Variants in ADPRHL1 observed in about 807,000 individuals in gnomAD.
The protein encoded by ADPRHL1 is ADP-ribosylhydrolase like 1.
A neutral mutation model predicts 44.1 loss-of-function variants in ADPRHL1; 43 were observed. The ratio of observed to expected loss-of-function variants is 0.98; its 90% CI spans 0.76 to 1.26. The LOEUF (loss-of-function observed/expected upper bound fraction) is 1.26. Among genes scored for constraint, ADPRHL1 ranks in the 50% most tolerant of loss-of-function variants. ADPRHL1 has a pLI of 0.00. For synonymous variants in ADPRHL1, 878 were observed against 1,017.4 expected (o/e 0.86, Z 2.61); for missense variants, 2,022 against 2,496.9 (o/e 0.81, Z 4.05).
chr13:113,417,472 G>T (rs536991977), intron 7 of ADPRHL1, among the ~76,000 whole-genome samples: 1 of 152,364 alleles, frequency 6.6e-6, no homozygotes, highest in South Asian at 2.1e-4. Flanking sequence ...GACACAGAGT[G>T]CCCCAGATCA....
intron 6 of ADPRHL1, among the ~76,000 whole-genome samples, chr13:113,423,630 C>T (rs1353477117): frequency 6.6e-6 from 1 of 152,240 alleles, no homozygotes; most frequent in Non-Finnish European, 1.5e-5. Flanking sequence ...ACAGGGTTGA[C>T]CTTACGGGTA....
intron 7 of ADPRHL1, among the ~76,000 whole-genome samples, chr13:113,411,174 T>C (rs997097853): frequency 1.3e-5 from 2 of 152,152 alleles, no homozygotes; most frequent in Non-Finnish European, 2.9e-5. Context: ...AATAGAAAGA[T>C]GAAAAACAGA....
rs1337537227 is a variant in ADPRHL1 at position 113,400,123 on chromosome 13, C to T, written c.*3255G>A. The T allele has an allele frequency of 6.7e-6, 1 of 148,948 alleles. No individual in the cohort carries two copies. The highest frequency in any genetic ancestry group is 2.5e-5 in the African/African-American group (1 of 39,942). The allele number at this position is 148,948 out of a possible 1,614,324, so 9.2% of individuals were successfully genotyped here. A position where few individuals can be genotyped will look rare whatever the true frequency, so the allele number is the denominator to read the frequency against. ...TAACTAAGAAGCTAAAATAAATATCCTGTTTTCTTTTCTTTTCTTTTCTTC... is the reference window on the plus strand; with the variant it reads ...TAACTAAGAAGCTAAAATAAATATCTTGTTTTCTTTTCTTTTCTTTTCTTC... On this transcript the variant is annotated 3_prime_UTR_variant, in exon 8 of 8. Transcript: ENST00000612156.
intron 7 of ADPRHL1, among the ~76,000 whole-genome samples, chr13:113,420,351 G>A (rs772652049): frequency 2.0e-5 from 3 of 152,098 alleles, no homozygotes; most frequent in Non-Finnish European, 2.9e-5. Flanking sequence ...TGATTCTCAC[G>A]GAGGGGTTTG....
chr13:113,423,199 A>G (rs2043939426), intron 6 of ADPRHL1, among the ~76,000 whole-genome samples: 1 of 152,098 alleles, frequency 6.6e-6, no homozygotes, highest in African/African-American at 2.4e-5. Context: ...AGAGGTGGCA[A>G]CGAGCCGAGA....
chr13:113,405,436 A>AT lies in ADPRHL1; in HGVS notation c.3845dup (p.Tyr1282Ter). Residue 1282 changes from tyrosine to a stop codon, truncating the protein, a stop_gained and frameshift_variant, in exon 8 of 8, where the codon TAT becomes TAAT. Coordinates refer to ENST00000612156, the MANE Select transcript of ADPRHL1 (RefSeq NM_001394807.1). LOFTEE classifies it low-confidence loss of function (END_TRUNC). ...GAGGCGACGGCGGGAGGCCAGGGCC[A>AT]TAGCTGGGGGACTCTGCCACGCTCC... is the stretch of plus-strand genomic sequence containing the variant. ...QARSVAESPS[Y>*]GPGLPPSPPE... The AT allele has an allele frequency of 8.1e-7, 1 of 1,231,976 alleles. No homozygotes were observed. Among genetic ancestry groups the AT allele is most frequent in the Non-Finnish European group, 1.0e-6 (1 of 988,178 alleles). 76.3% of individuals were successfully genotyped at this position (1,231,976 alleles called of 1,614,324 possible).
At position 113,403,344 on chromosome 13, in the gene ADPRHL1, A is replaced by G. The variant is rs1440055709; in HGVS notation, c.*34T>C. 1.3e-5 allele frequency: 16 copies of G among 1,231,716 alleles called. No homozygotes were observed. In the East Asian group the frequency reaches 4.7e-4, roughly 36 times the overall value. 76.3% of individuals were successfully genotyped at this position (1,231,716 alleles called of 1,614,324 possible). On this transcript the variant is annotated 3_prime_UTR_variant, in exon 8 of 8. Coordinates refer to ENST00000612156, the MANE Select transcript of ADPRHL1 (RefSeq NM_001394807.1). ...AAGTCCCTCAATGGGCGGATGTCACAGTGCTGGGCGAGCCACGGTGTGTAC... is the reference window on the plus strand; with the variant it reads ...AAGTCCCTCAATGGGCGGATGTCACGGTGCTGGGCGAGCCACGGTGTGTAC...
Position 113,400,277 on chromosome 13 carries a change from C to CT in ADPRHL1, c.*3100dup, listed in dbSNP as rs1259835824. ...TCTCCTGTCTCAGGCTCCCGAGTAGCTGGGACTACAGGCACCCACCACCAC... is the reference window on the plus strand; with the variant it reads ...TCTCCTGTCTCAGGCTCCCGAGTAGCTTGGGACTACAGGCACCCACCACCAC... On this transcript the variant is annotated 3_prime_UTR_variant, in exon 8 of 8. Coordinates refer to ENST00000612156, the MANE Select transcript of ADPRHL1 (RefSeq NM_001394807.1). 7 of 149,962 alleles carry CT rather than the reference C, an allele frequency of 4.7e-5. No individual in the cohort carries two copies. Among genetic ancestry groups the CT allele is most frequent in the African/African-American group, 1.5e-4 (6 of 40,986 alleles). 9.3% of individuals were successfully genotyped at this position (149,962 alleles called of 1,614,324 possible). A position where few individuals can be genotyped will look rare whatever the true frequency, so the allele number is the denominator to read the frequency against.
At chr13:113,423,506 G>A (rs570291893) in intron 6 of ADPRHL1, among the ~76,000 whole-genome samples, 1 of 152,220 alleles carries the variant, frequency 6.6e-6, no homozygotes, top group Non-Finnish European at 1.5e-5. Flanking sequence ...ACCAAACGGG[G>A]CCACATTTGT....
Position 113,403,036 on chromosome 13 carries a change from C to G in ADPRHL1, c.*342G>C. ...TGCAGATCGAAGGGGACGCACACAC[C>G]GTGCCACTGCGGGAGGTGTGAGCTC... is the stretch of plus-strand genomic sequence containing the variant. On this transcript the variant is annotated 3_prime_UTR_variant, in exon 8 of 8. Transcript: ENST00000612156. The G allele has an allele frequency of 5.4e-6, 1 of 184,146 alleles. No individual in the cohort carries two copies. The highest frequency in any genetic ancestry group is 2.3e-5 in the African/African-American group (1 of 42,800). 11.4% of individuals were successfully genotyped at this position (184,146 alleles called of 1,614,324 possible).
intron 1 of ADPRHL1, among the ~76,000 whole-genome samples, chr13:113,452,816 G>C (rs999120131): frequency 6.6e-6 from 1 of 152,154 alleles, no homozygotes; most frequent in Non-Finnish European, 1.5e-5. Flanking sequence ...AATGAATTCA[G>C]AACAAGAAGG....
At chr13:113,438,678 T>C (rs2044077854) in intron 2 of ADPRHL1, among the ~76,000 whole-genome samples, 1 of 152,074 alleles carries the variant, frequency 6.6e-6, no homozygotes, top group African/African-American at 2.4e-5. Context: ...CGAGACTCCA[T>C]CTCAAAAAAA....
intron 2 of ADPRHL1, among the ~76,000 whole-genome samples, chr13:113,434,930 C>T (rs1595550746): frequency 1.6e-5 from 2 of 121,914 alleles, no homozygotes; most frequent in Non-Finnish European, 1.8e-5. Flanking sequence ...CCCCGGGACC[C>T]GGCACCCAGG....
rs117650510 is a variant in ADPRHL1 at position 113,443,770 on chromosome 13, C to T, written c.379+655G>A. Among the ~76,000 whole-genome samples the T allele has an allele frequency of 8.0e-3, 1,212 of 152,136 alleles. 6 individuals carry two copies. The highest frequency in any genetic ancestry group is 0.013 in the Non-Finnish European group (870 of 68,010). On this transcript the variant is annotated intron_variant, in intron 2 of 7. Coordinates refer to ENST00000612156, the MANE Select transcript of ADPRHL1 (RefSeq NM_001394807.1). ...GACCAGCCTGAGCAACATGGTGAAA[C>T]CCCATCCTTACTAAAACACAAAATT...
chr13:113,434,125 G>A (rs2044028497), intron 2 of ADPRHL1, among the ~76,000 whole-genome samples: 1 of 152,190 alleles, frequency 6.6e-6, no homozygotes, highest in Non-Finnish European at 1.5e-5. Context: ...ATATGCTCGT[G>A]ATTTGCAGCA....
intron 7 of ADPRHL1, among the ~76,000 whole-genome samples, chr13:113,419,894 G>C (rs539994650): frequency 6.6e-6 from 1 of 152,262 alleles, no homozygotes; most frequent in African/African-American, 2.4e-5. Flanking sequence ...CTCACATACA[G>C]GTGGACAGCC....
rs2043815143 is a variant in ADPRHL1, at chr13:113,407,152, A to G, written c.2130T>C (p.Ala710=). 3 of 1,232,122 alleles carry G rather than the reference A, an allele frequency of 2.4e-6. No individual in the cohort carries two copies. The Admixed American group carries it at 1.3e-4, about 52-fold the overall frequency. The allele number at this position is 1,232,122 out of a possible 1,614,324, so 76.3% of individuals were successfully genotyped here. The change falls in exon 8 of 8, where the codon GCT becomes GCC. Residue 710 remains alanine, a synonymous_variant. Transcript: ENST00000612156. The part of the protein sequence containing the change: ...HAVPSLAFSC[A]PCTGGVLPGL... ...CAGGAAGGACTCCACCTGTGCAGGG[A>G]GCACAAGAGAAGGCCAGCGAGGGGA...
chr13:113,418,259 G>C (rs1477559263), intron 7 of ADPRHL1, among the ~76,000 whole-genome samples: 2 of 152,200 alleles, frequency 1.3e-5, no homozygotes, highest in Non-Finnish European at 2.9e-5. Context: ...GGAATAGACA[G>C]GGGAAATAAC....
Position 113,435,386 on chromosome 13 carries a change from A to G in ADPRHL1, c.380-1519T>C, listed in dbSNP as rs375309769. On this transcript the variant is annotated intron_variant, in intron 2 of 7. Transcript: ENST00000612156. ...CGTAGAGTGAACATAGGTGTACCCC[A>G]GGACCTGGCACCCAGGTGTAGAGTG... 5.6e-4 allele frequency among the ~76,000 whole-genome samples: 63 copies of G among 113,382 alleles called. 1 individual carries two copies. The highest frequency in any genetic ancestry group is 9.3e-4 in the East Asian group (3 of 3,220). 74.4% of individuals were successfully genotyped at this position (113,382 alleles called of 152,430 possible).
Sources: gnomAD v4.1 joint callset for allele counts (sites outside exome capture counted in the v4.1 genomes callset) on GRCh38, gnomAD v4.1.1 for gene constraint, MANE v1.5 for transcripts, NCBI Gene and HGNC (gene_info 2026-07-23, HGNC 2026-07-21) for gene names.